Variants in COL5A1 observed in about 807,000 individuals in gnomAD.
The protein encoded by COL5A1 is collagen alpha-1(V) chain.
Under a neutral mutation model 263.7 loss-of-function variants are expected in COL5A1, and 16 were observed. The observed-to-expected ratio is 0.06, with a 90% confidence interval of 0.04 to 0.09. COL5A1 has a LOEUF of 0.09. COL5A1 is among the 10% of genes least tolerant of loss of function. The pLI, the probability that COL5A1 is intolerant of heterozygous loss-of-function variation, is 1.00. For missense variants in COL5A1, 2,036 were observed against 2,540.5 expected (o/e 0.80, Z 4.27); for synonymous variants, 1,012 against 1,004.5 (o/e 1.01, Z -0.14).
chr9:134,642,480 G>A lies in COL5A1; in HGVS notation c.109+184G>A, dbSNP rs1183174952. Among the ~76,000 whole-genome samples, 1 of 151,372 alleles carries A rather than the reference G, an allele frequency of 6.6e-6. No homozygotes were observed. Among genetic ancestry groups the A allele is most frequent in the Non-Finnish European group, 1.5e-5 (1 of 67,606 alleles). ...ATGACGACACGCAGACACAATGCCC[G>A]CGGGCGCGCCGCCGCCCCCTCCCCA... On this transcript the variant is annotated intron_variant, in intron 1 of 65. Transcript: ENST00000371817. This position sits in a 1 kb window ranked among gnomAD's most constrained non-coding sequence, Gnocchi z 4.5.
Position 134,805,209 on chromosome 9 carries a change from C to T in COL5A1, c.3253C>T (p.Pro1085Ser). 4 of 1,613,952 alleles carry T rather than the reference C, an allele frequency of 2.5e-6. No homozygotes were observed. Among genetic ancestry groups the T allele is most frequent in the Non-Finnish European group, 3.4e-6 (4 of 1,180,038 alleles). Residue 1085 changes from proline to serine, a missense_variant, in exon 41 of 66, where the codon CCT (proline) becomes TCT (serine). Pro to Ser is a moderately conservative substitution (Grantham distance 74). Transcript: ENST00000371817. ...TGAAGGGCCCCCTGGCCCACCAGGC[C>T]CTGCGGTGAGTCAAAGCCTTTGTCC... ...GNEGPPGPPGPAGSPGERGPA... is the reference protein window; with the variant it reads ...GNEGPPGPPGSAGSPGERGPA...
At chr9:134,796,807 A>C in intron 35 of COL5A1, 41 bp from the exon 36 acceptor site, 2 of 1,592,754 alleles carry the variant, frequency 1.3e-6, no homozygotes, top group Non-Finnish European at 1.7e-6. Context: ...GCTGCTCGGG[A>C]GAGACCTCTT....
chr9:134,826,496 TGTGCATGTGGATGGTGTGTGG>T (rs1216185730), intron 63 of COL5A1, among the ~76,000 whole-genome samples: 1 of 152,188 alleles, frequency 6.6e-6, no homozygotes, highest in Non-Finnish European at 1.5e-5. Flanking sequence ...CAGGAGTTTG[TGTGCATGTGGATGGTGTGTGG>T]GCACATGTGG....
At chr9:134,836,705 G>T (rs1839866196) in intron 65 of COL5A1, among the ~76,000 whole-genome samples, 1 of 152,214 alleles carries the variant, frequency 6.6e-6, no homozygotes, top group Non-Finnish European at 1.5e-5. Flanking sequence ...CATCGCTGCG[G>T]AGCACCTGGC....
chr9:134,696,454 G>A lies in COL5A1; in HGVS notation c.278-3455G>A, dbSNP rs1833472243. Among the ~76,000 whole-genome samples the A allele has an allele frequency of 6.6e-6, 1 of 152,170 alleles. No individual in the cohort carries two copies. On this transcript the variant is annotated intron_variant, in intron 2 of 65. Coordinates refer to ENST00000371817, the MANE Select transcript of COL5A1 (RefSeq NM_000093.5). This position sits in a 1 kb window ranked among gnomAD's most constrained non-coding sequence, Gnocchi z 4.3. Reference sequence around the variant, plus strand: ...GGCCTCCCAAAGTGCTGGGATTACAGGCATGAACCACCTCGCCCAGCCTGC... The same window carrying A: ...GGCCTCCCAAAGTGCTGGGATTACAAGCATGAACCACCTCGCCCAGCCTGC...
chr9:134,739,827 C>A (rs949306258), intron 11 of COL5A1, among the ~76,000 whole-genome samples: 1 of 152,070 alleles, frequency 6.6e-6, no homozygotes, highest in African/African-American at 2.4e-5. Flanking sequence ...GGGCAGGCGG[C>A]GGCAGCCTTC....
rs1835332078 is a variant in COL5A1 at position 134,742,253 on chromosome 9, G to GA, written c.1494+3445_1494+3446insA. ...TTGTGCCCACGGCTGCCCGCAGGGAGCAGAGTGCAAGGAGAGGCACAGAAG... is the reference window on the plus strand; with the variant it reads ...TTGTGCCCACGGCTGCCCGCAGGGAGACAGAGTGCAAGGAGAGGCACAGAAG... On this transcript the variant is annotated intron_variant, in intron 11 of 65. Transcript: ENST00000371817. This position sits in a 1 kb window ranked among gnomAD's most constrained non-coding sequence, Gnocchi z 4.6. Among the ~76,000 whole-genome samples, 1 of 152,142 alleles carries GA rather than the reference G, an allele frequency of 6.6e-6. No homozygotes were observed. The highest frequency in any genetic ancestry group is 2.4e-5 in the African/African-American group (1 of 41,456).
At chr9:134,805,275 C>T in intron 41 of COL5A1, 61 bp downstream of exon 41, 2 of 1,585,934 alleles carry the variant, frequency 1.3e-6, no homozygotes, top group South Asian at 1.1e-5. Context: ...TCAGAAGGGG[C>T]AGTCCCCGAG....
chr9:134,726,191 C>T (rs1460977953), intron 4 of COL5A1, among the ~76,000 whole-genome samples: 1 of 152,150 alleles, frequency 6.6e-6, no homozygotes, highest in East Asian at 1.9e-4. Context: ...CAAAAGCTGC[C>T]AGCACTGCAC....
chr9:134,807,558 G>A (rs981659457), intron 42 of COL5A1, among the ~76,000 whole-genome samples: 5 of 152,238 alleles, frequency 3.3e-5, no homozygotes, highest in African/African-American at 7.2e-5. Flanking sequence ...CTCCCAAGGT[G>A]CTGGGATTAC....
At chr9:134,828,660 A>AGATACACAT (rs1564181524) in intron 63 of COL5A1, among the ~76,000 whole-genome samples, 9 of 882 alleles carry the variant, frequency 0.01, no homozygotes, top group South Asian at 0.056. Flanking sequence ...CATACCACAC[A>AGATACACAT]CACACCCATA....
chr9:134,743,782 A>G (rs1048061960), intron 11 of COL5A1, among the ~76,000 whole-genome samples: 1 of 151,918 alleles, frequency 6.6e-6, no homozygotes, highest in African/African-American at 2.4e-5. Flanking sequence ...CCTCTTTTTT[A>G]TGTGTCCAGG....
At chr9:134,654,557 G>A (rs1159617901) in intron 1 of COL5A1, among the ~76,000 whole-genome samples, 4 of 134,886 alleles carry the variant, frequency 3.0e-5, no homozygotes, top group Non-Finnish European at 6.4e-5. Flanking sequence ...GTGTGTGTAG[G>A]GCTGGGTGTG....
In COL5A1 at chr9:134,642,450, C is replaced by G. The variant is rs1406831252; in HGVS notation, c.109+154C>G. ...CGAATGCCATTTGCTGGGGGCCCCC[C>G]CGAGATGACGACACGCAGACACAAT... On this transcript the variant is annotated intron_variant, in intron 1 of 65. Transcript: ENST00000371817. This position sits in a 1 kb window ranked among gnomAD's most constrained non-coding sequence, Gnocchi z 4.5. Among the ~76,000 whole-genome samples, 1 of 151,900 alleles carries G rather than the reference C, an allele frequency of 6.6e-6. No homozygotes were observed. The highest frequency in any genetic ancestry group is 2.4e-5 in the African/African-American group (1 of 41,412).
At chr9:134,805,283 G>A (rs968567788) in intron 41 of COL5A1, 69 bp downstream of exon 41, 8 of 1,559,356 alleles carry the variant, frequency 5.1e-6, no homozygotes, top group East Asian at 2.2e-5. Flanking sequence ...GGCAGTCCCC[G>A]AGAGCCCAGA....
Position 134,823,408 on chromosome 9 carries a change from C to T in COL5A1, c.4645-8C>T. ...TGACCAAGGGTTGATTCTTTTCTTTCTCCCCAGGGTCCAACTGGCCCGAAG... is the reference window on the plus strand; with the variant it reads ...TGACCAAGGGTTGATTCTTTTCTTTTTCCCCAGGGTCCAACTGGCCCGAAG... On this transcript the variant is annotated splice_region_variant and splice_polypyrimidine_tract_variant and intron_variant, in intron 60 of 65. Coordinates refer to ENST00000371817, the MANE Select transcript of COL5A1 (RefSeq NM_000093.5). 1 of 1,614,216 alleles carries T rather than the reference C, an allele frequency of 6.2e-7. No homozygotes were observed. Among genetic ancestry groups the T allele is most frequent in the Non-Finnish European group, 8.5e-7 (1 of 1,180,010 alleles).
chr9:134,725,857 G>A (rs1249301240), intron 4 of COL5A1, among the ~76,000 whole-genome samples: 9 of 152,204 alleles, frequency 5.9e-5, no homozygotes, highest in Non-Finnish European at 1.2e-4. Flanking sequence ...TTAGCTGTCG[G>A]TAGACATGTG....
intron 19 of COL5A1, among the ~76,000 whole-genome samples, chr9:134,762,213 T>C (rs1836476266): frequency 6.6e-6 from 1 of 152,244 alleles, no homozygotes; most frequent in South Asian, 2.1e-4. Context: ...TCGGTCCTGC[T>C]GATGGATGGA....
chr9:134,760,612 C>T (rs1443059719), intron 18 of COL5A1, among the ~76,000 whole-genome samples: 7 of 125,196 alleles, frequency 5.6e-5, no homozygotes, highest in Non-Finnish European at 1.1e-4. Context: ...CACACATGCA[C>T]ACACACACAC....
Sources: allele counts gnomAD v4.1 joint callset (sites outside exome capture counted in the v4.1 genomes callset), GRCh38; gene constraint gnomAD v4.1.1; non-coding constraint Gnocchi (gnomAD v3.1); transcripts MANE v1.5; gene names NCBI Gene and HGNC (gene_info 2026-07-23, HGNC 2026-07-21).